The following PRKCA variants were observed in gnomAD, a reference collection of about 807,000 sequenced individuals.
PRKCA encodes protein kinase C alpha, also known as protein kinase C alpha type.
PRKCA carries 27 observed loss-of-function variants against 87.0 expected under a neutral mutation model. The ratio of observed to expected loss-of-function variants is 0.31; its 90% confidence interval spans 0.23 to 0.43. The LOEUF (loss-of-function observed/expected upper bound fraction) is 0.43. PRKCA is among the 20% of genes least tolerant of loss of function. The pLI is 1.00. For missense variants in PRKCA, 518 were observed against 852.3 expected, an observed-to-expected ratio of 0.61 and a Z score of 4.88; for synonymous variants, 329 against 311.1, an observed-to-expected ratio of 1.06 and a Z score of -0.61.
intron 2 of PRKCA, among the ~76,000 whole-genome samples, chr17:66,401,598 G>C (rs1044923001): frequency 9.2e-5 from 14 of 152,320 alleles, no homozygotes; most frequent in African/African-American, 3.1e-4. Context: ...GGTGGAGGCA[G>C]AGAGATTAGG....
chr17:66,561,233 T>G (rs1254293619), intron 3 of PRKCA, among the ~76,000 whole-genome samples: 4 of 152,234 alleles, frequency 2.6e-5, no homozygotes, highest in Admixed American at 2.6e-4. Flanking sequence ...TCAAAATTAA[T>G]GAAAGATCTT....
chr17:66,766,407 G>A (rs1249297049), intron 13 of PRKCA, among the ~76,000 whole-genome samples: 3 of 151,988 alleles, frequency 2.0e-5, no homozygotes, highest in African/African-American at 7.3e-5. Flanking sequence ...CATCACCCAA[G>A]CAGAGAGATG....
chr17:66,664,160 G>A (rs1971979951), intron 5 of PRKCA, among the ~76,000 whole-genome samples: 1 of 152,110 alleles, frequency 6.6e-6, no homozygotes, highest in Non-Finnish European at 1.5e-5. Flanking sequence ...GAGCCACCGC[G>A]CCCAACCGTC....
In PRKCA at chr17:66,500,396, A is replaced by G. The variant is rs16959382; in HGVS notation, c.288+4113A>G. 8.2e-3 allele frequency among the ~76,000 whole-genome samples: 1,249 copies of G among 152,346 alleles called. 19 individuals carry two copies. The highest frequency in any genetic ancestry group is 0.028 in the African/African-American group (1,164 of 41,584). Reference sequence around the variant, plus strand: ...TGTGCTGCACCAGGGAGATAGTTGGAAAATCATGAAGGCATTGGGAGGTAG... The same window carrying G: ...TGTGCTGCACCAGGGAGATAGTTGGGAAATCATGAAGGCATTGGGAGGTAG... On this transcript the variant is annotated intron_variant, in intron 3 of 16. Transcript: ENST00000413366.
chr17:66,554,253 AC>A (rs1185058306), intron 3 of PRKCA, among the ~76,000 whole-genome samples: 2 of 149,260 alleles, frequency 1.3e-5, no homozygotes, highest in Admixed American at 6.7e-5. Flanking sequence ...AAAAAAAAAA[AC>A]GAGAGAAAAA....
intron 2 of PRKCA, among the ~76,000 whole-genome samples, chr17:66,440,490 T>A (rs1913675522): frequency 6.6e-6 from 1 of 152,216 alleles, no homozygotes; most frequent in African/African-American, 2.4e-5. Flanking sequence ...AAGAGGCCCC[T>A]GCCCCTTCAG....
At chr17:66,368,338 ATG>A (rs10580380) in intron 2 of PRKCA, among the ~76,000 whole-genome samples, 78,681 of 106,702 alleles carry the variant, frequency 0.74, 29,151 homozygotes, top group African/African-American at 0.77. Flanking sequence ...GTGTGTATAT[ATG>A]TGTGTGTGTG....
intron 3 of PRKCA, among the ~76,000 whole-genome samples, chr17:66,602,434 C>G (rs991759510): frequency 1.3e-5 from 2 of 150,226 alleles, no homozygotes; most frequent in Non-Finnish European, 3.0e-5. Flanking sequence ...GGCTCGCGCA[C>G]GGTGCGCACA....
intron 16 of PRKCA, among the ~76,000 whole-genome samples, chr17:66,791,298 G>A (rs1975528419): frequency 6.6e-6 from 1 of 152,068 alleles, no homozygotes. Context: ...CATGCAAAAG[G>A]CCCCGCTTGG....
chr17:66,392,038 G>A (rs1400497472), intron 2 of PRKCA, among the ~76,000 whole-genome samples: 1 of 152,148 alleles, frequency 6.6e-6, no homozygotes, highest in Non-Finnish European at 1.5e-5. Context: ...AGACCATCCT[G>A]GCTGACACGG....
At chr17:66,374,137 G>C (rs767677585) in intron 2 of PRKCA, among the ~76,000 whole-genome samples, 3 of 152,100 alleles carry the variant, frequency 2.0e-5, no homozygotes, top group African/African-American at 7.2e-5. Context: ...GCACACCCTT[G>C]CTCCCTGGGC....
chr17:66,777,767 G>A (rs935651492), intron 14 of PRKCA: 53 of 985,242 alleles, frequency 5.4e-5, no homozygotes, highest in African/African-American at 2.3e-4. Flanking sequence ...GGGCGGAAAC[G>A]AAGCCAGGAT....
At chr17:66,532,162 A>C (rs1393706597) in intron 3 of PRKCA, among the ~76,000 whole-genome samples, 1 of 151,952 alleles carries the variant, frequency 6.6e-6, no homozygotes, top group Non-Finnish European at 1.5e-5. Flanking sequence ...AATTAAAAAA[A>C]AAAAAAAGAA....
At chr17:66,534,567 T>C (rs1205367540) in intron 3 of PRKCA, among the ~76,000 whole-genome samples, 1 of 152,094 alleles carries the variant, frequency 6.6e-6, no homozygotes, top group Non-Finnish European at 1.5e-5. Flanking sequence ...CTCGGGAGGC[T>C]GAGGCAGGAG....
intron 3 of PRKCA, among the ~76,000 whole-genome samples, chr17:66,571,045 T>C (rs1205921591): frequency 1.3e-5 from 2 of 152,212 alleles, no homozygotes; most frequent in Non-Finnish European, 2.9e-5. Flanking sequence ...ATAAATCTGT[T>C]TGCATAAACC....
chr17:66,533,259 A>G (rs1005674538), intron 3 of PRKCA, among the ~76,000 whole-genome samples: 1 of 152,144 alleles, frequency 6.6e-6, no homozygotes, highest in Non-Finnish European at 1.5e-5. Flanking sequence ...TCTCTTAACC[A>G]ATGTATCTGC....
intron 3 of PRKCA, among the ~76,000 whole-genome samples, chr17:66,526,027 A>G (rs1310949207): frequency 6.6e-6 from 1 of 152,228 alleles, no homozygotes; most frequent in Non-Finnish European, 1.5e-5. Flanking sequence ...GAAATGGTCT[A>G]AAAGACATAC....
intron 5 of PRKCA, among the ~76,000 whole-genome samples, chr17:66,657,421 A>G (rs553821982): frequency 9.2e-5 from 14 of 152,240 alleles, no homozygotes; most frequent in South Asian, 2.1e-4. Context: ...TTGTTTCATC[A>G]ACTTCGACTC....
intron 5 of PRKCA, among the ~76,000 whole-genome samples, chr17:66,652,189 C>T (rs1335293389): frequency 2.6e-5 from 4 of 152,152 alleles, no homozygotes; most frequent in Non-Finnish European, 5.9e-5. Flanking sequence ...GAACTCCTGA[C>T]TTGAGGTGAT....
Sources: allele counts gnomAD v4.1 joint callset (sites outside exome capture counted in the v4.1 genomes callset), GRCh38; gene constraint gnomAD v4.1.1; transcripts MANE v1.5; gene names NCBI Gene and HGNC (gene_info 2026-07-23, HGNC 2026-07-21).